The following FOXN3 variants were observed in gnomAD, a reference collection of about 807,000 sequenced individuals.
FOXN3 encodes the protein forkhead box protein N3.
Under a neutral mutation model 38.4 loss-of-function variants are expected in FOXN3, and 7 were observed. The ratio of observed to expected loss-of-function variants is 0.18; its 90% CI spans 0.10 to 0.34. The LOEUF (loss-of-function observed/expected upper bound fraction) is 0.34, where lower values mean the gene tolerates loss of function less well. Among genes scored for constraint, FOXN3 ranks in the 10% least tolerant of loss-of-function variants. The pLI is 1.00. For synonymous variants in FOXN3, 230 were observed against 242.2 expected, an observed-to-expected ratio of 0.95 and a Z score of 0.47; for missense variants, 456 against 613.4, an observed-to-expected ratio of 0.74 and a Z score of 2.71.
chr14:89,428,336 T>C (rs1892085850), intron 1 of FOXN3, among the ~76,000 whole-genome samples: 3 of 152,168 alleles, frequency 2.0e-5, no homozygotes, highest in Admixed American at 6.5e-5. Context: ...CCTCACTCCT[T>C]CCCAAAATAG....
intron 2 of FOXN3, among the ~76,000 whole-genome samples, chr14:89,403,364 ATC>A (rs1253283995): frequency 6.6e-6 from 1 of 152,106 alleles, no homozygotes; most frequent in African/African-American, 2.4e-5. Context: ...TGCCCAATTA[ATC>A]TCTGTATTTT....
intron 4 of FOXN3, among the ~76,000 whole-genome samples, chr14:89,240,007 G>T (rs1885095974): frequency 6.6e-6 from 1 of 152,166 alleles, no homozygotes; most frequent in East Asian, 1.9e-4. Context: ...TCATCCAGCA[G>T]TGACTGGTCA....
intron 3 of FOXN3, among the ~76,000 whole-genome samples, chr14:89,289,716 C>T (rs138648474): frequency 2.0e-4 from 31 of 152,260 alleles, no homozygotes; most frequent in African/African-American, 7.0e-4. Flanking sequence ...GGCGGAAATA[C>T]GTACTCCTGC....
At chr14:89,455,699 G>C (rs1012359224) in intron 1 of FOXN3, among the ~76,000 whole-genome samples, 4 of 152,196 alleles carry the variant, frequency 2.6e-5, no homozygotes, top group Non-Finnish European at 4.4e-5. Flanking sequence ...GGAAAGCAAG[G>C]AGGCAAGAAG....
At chr14:89,510,017 T>C (rs1265716804) in intron 1 of FOXN3, among the ~76,000 whole-genome samples, 1 of 152,200 alleles carries the variant, frequency 6.6e-6, no homozygotes, top group Non-Finnish European at 1.5e-5. Context: ...GTCAGCTTAA[T>C]GGAATTCCCC....
intron 2 of FOXN3, among the ~76,000 whole-genome samples, chr14:89,389,345 T>G (rs1890873813): frequency 6.6e-6 from 1 of 152,152 alleles, no homozygotes; most frequent in African/African-American, 2.4e-5. Flanking sequence ...TAAATATACC[T>G]AATGTCTCAG....
chr14:89,199,679 G>T (rs1167014608), intron 4 of FOXN3, among the ~76,000 whole-genome samples: 1 of 152,162 alleles, frequency 6.6e-6, no homozygotes, highest in Non-Finnish European at 1.5e-5. Context: ...AAGGCAGGTG[G>T]ATCACTTGAG....
chr14:89,618,991 A>G (rs1484287145), intron 1 of FOXN3: 2 of 152,512 alleles, frequency 1.3e-5, no homozygotes, highest in Non-Finnish European at 2.9e-5. Flanking sequence ...AAACCCGAGC[A>G]GATTAGGAGG....
chr14:89,185,681 C>A (rs1284086092), intron 4 of FOXN3: 1 of 152,156 alleles, frequency 6.6e-6, no homozygotes, highest in African/African-American at 2.4e-5. Flanking sequence ...AGGCCAGTTA[C>A]GTATTTATCT....
intron 3 of FOXN3, among the ~76,000 whole-genome samples, chr14:89,323,701 A>G (rs1384515261): frequency 6.8e-6 from 1 of 146,608 alleles, no homozygotes; most frequent in Non-Finnish European, 1.5e-5. Flanking sequence ...CCTGGGCAAC[A>G]GAATGAGACT....
Position 89,288,679 on chromosome 14 carries a change from T to G in FOXN3, c.681-7665A>C, listed in dbSNP as rs867975065. On this transcript the variant is annotated intron_variant, in intron 3 of 5. Transcript: ENST00000557258. ...GTAATAGGCACTCTCTTTCTCTCTC[T>G]CTCTCTCTCTCTCTCTCTCTCTCTC... Among the ~76,000 whole-genome samples, 356 of 62,002 alleles carry G rather than the reference T, an allele frequency of 5.7e-3. 23 individuals are homozygous for G. Among genetic ancestry groups the G allele is most frequent in the African/African-American group, 8.3e-3 (128 of 15,388 alleles). 40.7% of individuals were successfully genotyped at this position (62,002 alleles called of 152,430 possible).
upstream of FOXN3, among the ~76,000 whole-genome samples, chr14:89,418,182 G>A (rs1891805154): frequency 6.6e-6 from 1 of 152,176 alleles, no homozygotes; most frequent in Non-Finnish European, 1.5e-5. Context: ...CTCCCAGGTA[G>A]CCAAATTGGT....
At position 89,473,424 on chromosome 14, in the gene FOXN3, C is replaced by T. The variant is rs113493850; in HGVS notation, c.-14-60934G>A. Among the ~76,000 whole-genome samples, 813 of 150,860 alleles carry T rather than the reference C, an allele frequency of 5.4e-3. 8 individuals are homozygous for T. The highest frequency in any genetic ancestry group is 0.019 in the African/African-American group (781 of 40,938). On this transcript the variant is annotated intron_variant, in intron 1 of 6. Coordinates refer to the FOXN3 transcript ENST00000345097. The stretch of plus-strand genomic sequence containing the variant: ...TTTTGCTCAAGCTGGAGTGCAGTGG[C>T]GTGATTGCAGCTCACTGCAGCCTCG...
chr14:89,550,643 AT>A (rs1284475221), intron 1 of FOXN3, among the ~76,000 whole-genome samples: 4 of 152,180 alleles, frequency 2.6e-5, no homozygotes, highest in Non-Finnish European at 5.9e-5. Flanking sequence ...ATGATCAGAG[AT>A]GGGGAGAAAG....
chr14:89,299,676 C>T (rs1596165258), intron 3 of FOXN3, among the ~76,000 whole-genome samples: 1 of 152,162 alleles, frequency 6.6e-6, no homozygotes, highest in East Asian at 1.9e-4. Flanking sequence ...GTGCTGACCC[C>T]AGAGAGGGAC....
intron 4 of FOXN3, among the ~76,000 whole-genome samples, chr14:89,195,565 T>C (rs1160220105): frequency 6.6e-6 from 1 of 152,146 alleles, no homozygotes; most frequent in Non-Finnish European, 1.5e-5. Flanking sequence ...TTCAGAGGCA[T>C]AGCTGATTGT....
In FOXN3 at chr14:89,498,210, CTTTTT is replaced by C. The variant is rs547081117; in HGVS notation, c.-14-85725_-14-85721del. On this transcript the variant is annotated intron_variant, in intron 1 of 6. Coordinates refer to the FOXN3 transcript ENST00000345097. ...TCTGGCTGCTTCTCTCTCTCTCTCTCTTTTTTTTTTTTTTTTTTTTTTTTGAGATG... is the reference window on the plus strand; with the variant it reads ...TCTGGCTGCTTCTCTCTCTCTCTCTCTTTTTTTTTTTTTTTTTTTGAGATG... 7.9e-3 allele frequency among the ~76,000 whole-genome samples: 642 copies of C among 81,074 alleles called. 3 individuals are homozygous for C. Among genetic ancestry groups the C allele is most frequent in the South Asian group, 0.013 (30 of 2,272 alleles). 53.2% of individuals were successfully genotyped at this position (81,074 alleles called of 152,430 possible).
chr14:89,216,025 G>T (rs1884269925), intron 4 of FOXN3, among the ~76,000 whole-genome samples: 1 of 152,210 alleles, frequency 6.6e-6, no homozygotes, highest in South Asian at 2.1e-4. Flanking sequence ...CTCATCAAAA[G>T]TCAGAAGTGA....
chr14:89,301,931 C>T (rs889602792), intron 3 of FOXN3, among the ~76,000 whole-genome samples: 1 of 152,144 alleles, frequency 6.6e-6, no homozygotes, highest in Non-Finnish European at 1.5e-5. Context: ...ACTCCTTTCC[C>T]GGTGACCTCT....
Sources: allele counts gnomAD v4.1 joint callset (sites outside exome capture counted in the v4.1 genomes callset), GRCh38; gene constraint gnomAD v4.1.1; transcripts MANE v1.5; gene names NCBI Gene and HGNC (gene_info 2026-07-23, HGNC 2026-07-21).